TMTC2: variants seen among roughly 807,000 people sequenced by gnomAD.
TMTC2 encodes protein O-mannosyl-transferase TMTC2.
In TMTC2, 43 loss-of-function variants were observed where a neutral mutation model predicts 82.4. That is an observed-to-expected ratio of 0.52 (90% confidence interval 0.41 to 0.67). The LOEUF is 0.67. TMTC2 is among the 30% of genes least tolerant of loss of function. The pLI, the probability that TMTC2 is intolerant of heterozygous loss-of-function variation, is 0.00. For missense variants in TMTC2, 919 were observed against 1,012.4 expected, an observed-to-expected ratio of 0.91 and a Z score of 1.25; for synonymous variants, 408 against 381.9, an observed-to-expected ratio of 1.07 and a Z score of -0.80.
intron 11 of TMTC2, among the ~76,000 whole-genome samples, chr12:83,079,621 A>G (rs1290323301): frequency 6.6e-6 from 1 of 152,182 alleles, no homozygotes; most frequent in African/African-American, 2.4e-5. Context: ...TAACGAATAA[A>G]TATATCATAG....
chr12:83,040,795 C>T (rs964383942), intron 9 of TMTC2, among the ~76,000 whole-genome samples: 2 of 151,726 alleles, frequency 1.3e-5, no homozygotes, highest in South Asian at 4.2e-4. Context: ...TGCCATTCTC[C>T]TGCCTCAGTC....
intron 4 of TMTC2, among the ~76,000 whole-genome samples, chr12:82,936,015 G>T (rs1029444849): frequency 6.6e-6 from 1 of 151,826 alleles, no homozygotes; most frequent in African/African-American, 2.4e-5. Context: ...GTAACGTAGG[G>T]CAAAATAAAA....
At chr12:82,764,787 AG>A (rs11324078) in intron 1 of TMTC2, among the ~76,000 whole-genome samples, 145,358 of 151,632 alleles carry the variant, frequency 0.96, 69,965 homozygotes, top group East Asian at 1. Flanking sequence ...TTCATGTAAG[AG>A]GGGGGTAGGG....
intron 1 of TMTC2, among the ~76,000 whole-genome samples, chr12:82,715,700 G>A (rs1324360653): frequency 6.6e-6 from 1 of 152,194 alleles, no homozygotes; most frequent in African/African-American, 2.4e-5. Context: ...TTGAAAGAGA[G>A]AGAATTGAGA....
intron 8 of TMTC2, among the ~76,000 whole-genome samples, chr12:83,013,259 G>C (rs1880539616): frequency 1.3e-5 from 2 of 152,086 alleles, no homozygotes; most frequent in Non-Finnish European, 2.9e-5. Flanking sequence ...TAATCGATTA[G>C]TTATTATTAT....
chr12:82,929,254 A>T (rs923693754), intron 3 of TMTC2, among the ~76,000 whole-genome samples: 1 of 151,944 alleles, frequency 6.6e-6, no homozygotes, highest in Non-Finnish European at 1.5e-5. Context: ...AGGTTTCACC[A>T]TGTTGCCCAG....
intron 11 of TMTC2, among the ~76,000 whole-genome samples, chr12:83,123,234 C>G (rs1885009565): frequency 6.6e-6 from 1 of 152,192 alleles, no homozygotes. Flanking sequence ...GTGTCTCTGA[C>G]AAATTGAAAG....
chr12:82,854,652 G>C (rs1373408700), intron 1 of TMTC2, among the ~76,000 whole-genome samples: 1 of 152,190 alleles, frequency 6.6e-6, no homozygotes, highest in Non-Finnish European at 1.5e-5. Flanking sequence ...GTATGGAAAA[G>C]AGAGAGAATA....
At chr12:82,893,516 CAAGTT>C (rs937602010) in intron 2 of TMTC2, among the ~76,000 whole-genome samples, 115 of 152,082 alleles carry the variant, frequency 7.6e-4, no homozygotes, top group African/African-American at 2.6e-3. Flanking sequence ...GTTTTTAAAA[CAAGTT>C]AATGCTGTGA....
chr12:82,896,782 A>G (rs1463438559), intron 3 of TMTC2, 136 bp downstream of exon 3: 1 of 642,212 alleles, frequency 1.6e-6, no homozygotes, highest in Non-Finnish European at 2.5e-6. Context: ...CATTCTTTTT[A>G]TTTTTTTAAA....
intron 8 of TMTC2, among the ~76,000 whole-genome samples, chr12:82,992,196 T>C (rs1879431718): frequency 6.6e-6 from 1 of 152,180 alleles, no homozygotes; most frequent in Non-Finnish European, 1.5e-5. Context: ...GTCAGTGTAG[T>C]TTATCTGGAA....
intron 1 of TMTC2, among the ~76,000 whole-genome samples, chr12:82,749,099 C>G (rs1875842019): frequency 6.6e-6 from 1 of 152,180 alleles, no homozygotes; most frequent in Admixed American, 6.5e-5. Context: ...ATAGAATTCC[C>G]CAGTGAATCT....
intron 7 of TMTC2, among the ~76,000 whole-genome samples, chr12:82,980,950 T>C (rs1208791001): frequency 2.6e-5 from 4 of 151,898 alleles, no homozygotes; most frequent in Non-Finnish European, 5.9e-5. Context: ...TTTGTTTCAT[T>C]TGCACCTACA....
At chr12:83,109,070 C>CT (rs1354389435) in intron 11 of TMTC2, among the ~76,000 whole-genome samples, 2 of 152,142 alleles carry the variant, frequency 1.3e-5, no homozygotes, top group Non-Finnish European at 2.9e-5. Flanking sequence ...CTATAGCTGT[C>CT]TTTTCTCTGC....
intron 2 of TMTC2, among the ~76,000 whole-genome samples, chr12:82,869,496 G>A (rs1317770509): frequency 6.6e-6 from 1 of 151,962 alleles, no homozygotes; most frequent in Non-Finnish European, 1.5e-5. Flanking sequence ...TTTTATAGCT[G>A]GAATGGTATA....
At chr12:82,866,244 C>CAAA (rs762068833) in intron 2 of TMTC2, among the ~76,000 whole-genome samples, 28 of 52,322 alleles carry the variant, frequency 5.4e-4, no homozygotes, top group African/African-American at 1.5e-3. Flanking sequence ...TTGAAAAGAT[C>CAAA]AAAAAAAAAA....
intron 1 of TMTC2, among the ~76,000 whole-genome samples, chr12:82,734,536 G>C (rs1874989923): frequency 6.6e-6 from 1 of 152,130 alleles, no homozygotes; most frequent in East Asian, 1.9e-4. Context: ...TCTGCCACCT[G>C]CCTAAGAAAT....
chr12:82,966,570 T>C (rs1398791345), intron 6 of TMTC2, among the ~76,000 whole-genome samples: 2 of 152,210 alleles, frequency 1.3e-5, no homozygotes, highest in Non-Finnish European at 2.9e-5. Flanking sequence ...AAAGTAATTA[T>C]GCACTTTAGA....
chr12:83,127,462 C>T (rs1034063977), intron 11 of TMTC2, among the ~76,000 whole-genome samples: 9 of 152,054 alleles, frequency 5.9e-5, no homozygotes, highest in African/African-American at 1.9e-4. Flanking sequence ...AGCCCAACTA[C>T]TGCAGGGGTA....
Sources: allele counts gnomAD v4.1 joint callset (sites outside exome capture counted in the v4.1 genomes callset), GRCh38; gene constraint gnomAD v4.1.1; transcripts MANE v1.5; gene names NCBI Gene and HGNC (gene_info 2026-07-23, HGNC 2026-07-21).